Variants in ATF6 observed in about 807,000 individuals in gnomAD.
ATF6 encodes cyclic AMP-dependent transcription factor ATF-6 alpha.
ATF6 carries 53 observed loss-of-function variants against 83.6 expected under a neutral mutation model. The observed-to-expected ratio is 0.63, with a 90% CI of 0.51 to 0.80. The LOEUF (loss-of-function observed/expected upper bound fraction) is 0.80. Ranked by LOEUF, ATF6 falls within the 30% of genes least tolerant of loss-of-function variation. The probability of loss-of-function intolerance (pLI) is 0.00; values close to 1 mark genes in which losing one functional copy is unlikely to be tolerated. For synonymous variants in ATF6, 288 were observed against 285.8 expected (o/e 1.01, Z -0.08); for missense variants, 744 against 797.9 (o/e 0.93, Z 0.81).
At chr1:161,776,126 A>G (rs146957877) in intron 1 of ATF6, among the ~76,000 whole-genome samples, 15 of 152,296 alleles carry the variant, frequency 9.8e-5, no homozygotes, top group African/African-American at 3.6e-4. Flanking sequence ...TCTGACTCCA[A>G]TTATTTTAGT....
chr1:161,791,734 T>A (rs962549987), intron 5 of ATF6, among the ~76,000 whole-genome samples, 197 bp downstream of exon 5: 1 of 152,220 alleles, frequency 6.6e-6, no homozygotes, highest in Non-Finnish European at 1.5e-5. Flanking sequence ...TGTCTCTGTC[T>A]TTACAGGTGA....
chr1:161,817,445 G>A (rs1028515991), intron 7 of ATF6, among the ~76,000 whole-genome samples: 9 of 152,252 alleles, frequency 5.9e-5, no homozygotes, highest in Non-Finnish European at 1.2e-4. Flanking sequence ...GGCAATGTCC[G>A]GAGAATAGTT....
chr1:161,912,078 G>A (rs1688002326), intron 14 of ATF6, among the ~76,000 whole-genome samples: 1 of 152,170 alleles, frequency 6.6e-6, no homozygotes, highest in South Asian at 2.1e-4. Context: ...CAAGATCACT[G>A]CATAGTGCCT....
chr1:161,855,695 T>G (rs1332379860), intron 12 of ATF6, among the ~76,000 whole-genome samples: 1 of 152,038 alleles, frequency 6.6e-6, no homozygotes, highest in Non-Finnish European at 1.5e-5. Context: ...GCCAGTAAAA[T>G]AGGAGAAATT....
intron 14 of ATF6, among the ~76,000 whole-genome samples, chr1:161,890,117 A>G (rs921020808): frequency 1.3e-5 from 2 of 152,228 alleles, no homozygotes; most frequent in Non-Finnish European, 2.9e-5. Context: ...TCCTAGAAAC[A>G]AGGGTATTCA....
At chr1:161,827,648 G>GA (rs199515359) in intron 9 of ATF6, among the ~76,000 whole-genome samples, 19,747 of 140,170 alleles carry the variant, frequency 0.14, 1,824 homozygotes, top group East Asian at 0.32. Context: ...TGGGCCAAAT[G>GA]AAAAAAAAAA....
At chr1:161,797,280 T>C (rs1685044702) in intron 6 of ATF6, among the ~76,000 whole-genome samples, 1 of 152,050 alleles carries the variant, frequency 6.6e-6, no homozygotes, top group Non-Finnish European at 1.5e-5. Flanking sequence ...GATGTCCCTC[T>C]CACCACTCAT....
intron 15 of ATF6, among the ~76,000 whole-genome samples, chr1:161,953,766 C>T (rs1422446528): frequency 6.6e-6 from 1 of 152,204 alleles, no homozygotes; most frequent in Non-Finnish European, 1.5e-5. Flanking sequence ...ACTCACTCAG[C>T]GTTCTTCCCA....
At chr1:161,944,234 A>C (rs1487609506) in intron 15 of ATF6, among the ~76,000 whole-genome samples, 1 of 152,196 alleles carries the variant, frequency 6.6e-6, no homozygotes, top group African/African-American at 2.4e-5. Flanking sequence ...TGCACTTTTA[A>C]AATAATTTTT....
At chr1:161,934,659 G>C (rs547912337) in intron 15 of ATF6, among the ~76,000 whole-genome samples, 33 of 152,258 alleles carry the variant, frequency 2.2e-4, no homozygotes, top group South Asian at 6.2e-4. Flanking sequence ...TTTTAAGCTA[G>C]TGATTTTTTC....
intron 15 of ATF6, among the ~76,000 whole-genome samples, chr1:161,949,075 C>A (rs1688814814): frequency 6.6e-6 from 1 of 152,162 alleles, no homozygotes; most frequent in Non-Finnish European, 1.5e-5. Context: ...AAAACTGAAT[C>A]TATAGGACAA....
chr1:161,821,485 A>ACCTTCG (rs1326868022), intron 9 of ATF6, among the ~76,000 whole-genome samples: 1 of 152,208 alleles, frequency 6.6e-6, no homozygotes, highest in Non-Finnish European at 1.5e-5. Context: ...TGACTGAGTT[A>ACCTTCG]TAAGGGAGAT....
intron 9 of ATF6, among the ~76,000 whole-genome samples, chr1:161,828,906 A>G (rs186140955): frequency 1.7e-4 from 26 of 152,296 alleles, no homozygotes; most frequent in African/African-American, 5.8e-4. Flanking sequence ...ATATGCAGAG[A>G]CACACACAGG....
chr1:161,898,459 T>C (rs956553822), intron 14 of ATF6, among the ~76,000 whole-genome samples: 51 of 152,312 alleles, frequency 3.3e-4, no homozygotes, highest in African/African-American at 1.2e-3. Context: ...ATTTGAACAC[T>C]CAATTAAATC....
intron 7 of ATF6, among the ~76,000 whole-genome samples, chr1:161,819,142 A>C (rs1403403465): frequency 6.6e-6 from 1 of 152,226 alleles, no homozygotes; most frequent in Admixed American, 6.5e-5. Context: ...GTAAAATAAT[A>C]GTTACTATTG....
At chr1:161,917,770 T>A (rs567233071) in intron 15 of ATF6, among the ~76,000 whole-genome samples, 1 of 152,194 alleles carries the variant, frequency 6.6e-6, no homozygotes, top group African/African-American at 2.4e-5. Context: ...TTAATATACA[T>A]TGAACCATCA....
At chr1:161,940,520 T>G (rs532120083) in intron 15 of ATF6, among the ~76,000 whole-genome samples, 53 of 150,876 alleles carry the variant, frequency 3.5e-4, no homozygotes, top group Non-Finnish European at 6.5e-4. Context: ...CAGACCTGGC[T>G]GAAGAATCCC....
chr1:161,840,147 A>C (rs1315995513), intron 9 of ATF6: 1 of 152,206 alleles, frequency 6.6e-6, no homozygotes, highest in African/African-American at 2.4e-5. Context: ...GTCTCATTTG[A>C]ATCTCAGGAA....
intron 10 of ATF6, among the ~76,000 whole-genome samples, chr1:161,850,311 T>C (rs149789569): frequency 2.1e-4 from 32 of 150,202 alleles, no homozygotes; most frequent in African/African-American, 7.6e-4. Flanking sequence ...CTTGCAACTC[T>C]TCAGCCAGTG....
Sources: gnomAD v4.1 joint callset for allele counts (sites outside exome capture counted in the v4.1 genomes callset) on GRCh38, gnomAD v4.1.1 for gene constraint, MANE v1.5 for transcripts, NCBI Gene and HGNC (gene_info 2026-07-23, HGNC 2026-07-21) for gene names.